RADIL: variants seen among roughly 807,000 people sequenced by gnomAD.
RADIL encodes the protein ras-associating and dilute domain-containing protein.
Under a neutral mutation model 97.6 loss-of-function variants are expected in RADIL, and 99 were observed. The observed-to-expected ratio is 1.01, with a 90% CI of 0.86 to 1.20. The LOEUF (loss-of-function observed/expected upper bound fraction) is 1.20, where lower values mean the gene tolerates loss of function less well. Among genes scored for constraint, RADIL ranks in the 50% most tolerant of loss-of-function variants. The pLI is 0.00. For missense variants in RADIL, 1,765 were observed against 1,498.9 expected (o/e 1.18, Z -2.93); for synonymous variants, 803 against 691.8 (o/e 1.16, Z -2.52).
intron 11 of RADIL, 30 bp from the exon 12 acceptor site, chr7:4,802,025 AGAG>A (rs756314114): frequency 1.2e-5 from 17 of 1,457,244 alleles, no homozygotes; most frequent in Admixed American, 1.1e-4. Context: ...CAGCTCAGGT[AGAG>A]GAGTGGCCAG....
At chr7:4,828,406 C>T (rs535174322) in intron 5 of RADIL, among the ~76,000 whole-genome samples, 2 of 152,302 alleles carry the variant, frequency 1.3e-5, no homozygotes, top group African/African-American at 4.8e-5. Context: ...TGCAGCAAGC[C>T]GAGGTCGCGC....
rs899326009 is a variant in RADIL at position 4,878,267 on chromosome 7, C to G, written c.-64-64G>C. The G allele has an allele frequency of 2.7e-5, 28 of 1,054,050 alleles. No homozygotes were observed. In the East Asian group the frequency reaches 6.9e-4, roughly 26 times the overall value. The allele number at this position is 1,054,050 out of a possible 1,614,324, so 65.3% of individuals were successfully genotyped here. ...TGACCACCAAGAGCAAATGAGGCCA[C>G]AGGCGGTGACTCCTGCCCGTCATCC... On this transcript the variant is annotated intron_variant, in intron 1 of 14. Transcript: ENST00000399583. This position sits in a 1 kb window ranked among gnomAD's most constrained non-coding sequence, Gnocchi z 4.1.
At position 4,813,768 on chromosome 7, in the gene RADIL, C is replaced by T. The variant is rs2115184353; in HGVS notation, c.2139+1510G>A. 6.6e-6 allele frequency among the ~76,000 whole-genome samples: 1 copy of T among 152,348 alleles called. No individual in the cohort carries two copies. The highest frequency in any genetic ancestry group is 6.5e-5 in the Admixed American group (1 of 15,304). On this transcript the variant is annotated intron_variant, in intron 9 of 14. Transcript: ENST00000399583. This position sits in a 1 kb window ranked among gnomAD's most constrained non-coding sequence, Gnocchi z 5.0. ...TCTTTCCGGCTGTGCGGGCTGTCCT[C>T]AGTGGAACTGCAGGCTCAGCTGCTC... is the stretch of plus-strand genomic sequence containing the variant.
chr7:4,861,376 T>C lies in RADIL; in HGVS notation c.535+16229A>G, dbSNP rs775396546. The C allele has an allele frequency of 3.5e-5, 56 of 1,614,080 alleles. 1 individual carries two copies. The Middle Eastern group carries it at 4.9e-4, about 14-fold the overall frequency. On this transcript the variant is annotated intron_variant, in intron 2 of 14. Coordinates refer to ENST00000399583, the MANE Select transcript of RADIL (RefSeq NM_018059.5). ...ATGCCTCCTCGACAGCCCTTAAATC[T>C]TTCACTTCCTCCTGTAGTTTCAGTT...
chr7:4,866,127 T>TGC (rs1784125328), intron 2 of RADIL, among the ~76,000 whole-genome samples: 1 of 152,128 alleles, frequency 6.6e-6, no homozygotes, highest in South Asian at 2.1e-4. Flanking sequence ...TCTGTGTGTG[T>TGC]GCGTGTGCAT....
At chr7:4,807,041 C>T (rs747599769) in intron 9 of RADIL, among the ~76,000 whole-genome samples, 1 of 152,154 alleles carries the variant, frequency 6.6e-6, no homozygotes, top group African/African-American at 2.4e-5. Context: ...CTGCCTGCAC[C>T]TGCCTTCCCC....
At position 4,814,774 on chromosome 7, in the gene RADIL, C is replaced by T. The variant is rs1295623493; in HGVS notation, c.2139+504G>A. 6.6e-6 allele frequency among the ~76,000 whole-genome samples: 1 copy of T among 152,216 alleles called. No individual in the cohort carries two copies. Among genetic ancestry groups the T allele is most frequent in the Non-Finnish European group, 1.5e-5 (1 of 68,050 alleles). On this transcript the variant is annotated intron_variant, in intron 9 of 14. Transcript: ENST00000399583. The surrounding 1 kb of genome is among the most constrained non-coding windows in gnomAD (Gnocchi z 4.5). ...GTCTCCCTGCTCTTCCGGTTGCTGTCAGAATTCAGTTCCTGTGGTTGTAGG... is the reference window on the plus strand; with the variant it reads ...GTCTCCCTGCTCTTCCGGTTGCTGTTAGAATTCAGTTCCTGTGGTTGTAGG...
intron 5 of RADIL, among the ~76,000 whole-genome samples, chr7:4,825,908 A>AAAC (rs760101468): frequency 2.8e-5 from 4 of 144,974 alleles, no homozygotes; most frequent in Non-Finnish European, 4.5e-5. Context: ...AAAAAAAAAA[A>AAAC]GGGAAATGAA....
In RADIL at chr7:4,822,244, T is replaced by A. The variant is rs369410253; in HGVS notation, c.1615+150A>T. 3 of 1,056,886 alleles carry A rather than the reference T, an allele frequency of 2.8e-6. No individual in the cohort carries two copies. Among genetic ancestry groups the A allele is most frequent in the East Asian group, 2.6e-5 (1 of 37,862 alleles). 65.5% of individuals were successfully genotyped at this position (1,056,886 alleles called of 1,614,324 possible). A position where few individuals can be genotyped will look rare whatever the true frequency, so the allele number is the denominator to read the frequency against. Reference sequence around the variant, plus strand: ...GCCTCACAGGCCGTCCCCGAGCAACTGACACATGGCAGCCTAGGGACTGAG... The same window carrying A: ...GCCTCACAGGCCGTCCCCGAGCAACAGACACATGGCAGCCTAGGGACTGAG... On this transcript the variant is annotated intron_variant, in intron 6 of 14. Transcript: ENST00000399583. This position sits in a 1 kb window ranked among gnomAD's most constrained non-coding sequence, Gnocchi z 5.3.
chr7:4,868,776 T>C (rs924906374), intron 2 of RADIL, among the ~76,000 whole-genome samples: 1 of 152,238 alleles, frequency 6.6e-6, no homozygotes, highest in African/African-American at 2.4e-5. Flanking sequence ...TGAATTTTGA[T>C]ATAGTCAAAT....
chr7:4,878,469 G>T lies in RADIL; in HGVS notation c.-64-266C>A, dbSNP rs184734353. Among the ~76,000 whole-genome samples, 1 of 152,330 alleles carries T rather than the reference G, an allele frequency of 6.6e-6. No individual in the cohort carries two copies. Among genetic ancestry groups the T allele is most frequent in the Admixed American group, 6.5e-5 (1 of 15,302 alleles). On this transcript the variant is annotated intron_variant, in intron 1 of 14. Coordinates refer to ENST00000399583, the MANE Select transcript of RADIL (RefSeq NM_018059.5). The surrounding 1 kb of genome is among the most constrained non-coding windows in gnomAD (Gnocchi z 4.1). ...GCTGGAGGATGGCTTGAGCCCAGGA[G>T]TTCAAGATTGCAGTGAGCTATGATA...
chr7:4,822,245 G>A lies in RADIL; in HGVS notation c.1615+149C>T. On this transcript the variant is annotated intron_variant, in intron 6 of 14. Coordinates refer to ENST00000399583, the MANE Select transcript of RADIL (RefSeq NM_018059.5). The surrounding 1 kb of genome is among the most constrained non-coding windows in gnomAD (Gnocchi z 5.3). ...CCTCACAGGCCGTCCCCGAGCAACT[G>A]ACACATGGCAGCCTAGGGACTGAGG... is the stretch of plus-strand genomic sequence containing the variant. The A allele has an allele frequency of 9.4e-7, 1 of 1,062,540 alleles. No homozygotes were observed. The highest frequency in any genetic ancestry group is 1.7e-5 in the South Asian group (1 of 59,308). 65.8% of individuals were successfully genotyped at this position (1,062,540 alleles called of 1,614,324 possible).
chr7:4,860,172 G>C, intron 2 of RADIL: 4 of 1,613,894 alleles, frequency 2.5e-6, no homozygotes, highest in Non-Finnish European at 3.4e-6. Context: ...CTAATCAATG[G>C]GCCTGTCTTC....
chr7:4,861,005 A>G (rs770243343), intron 2 of RADIL: 4 of 1,614,120 alleles, frequency 2.5e-6, no homozygotes, highest in African/African-American at 2.7e-5. Flanking sequence ...TTTCCGTACA[A>G]GAGTTGACGC....
chr7:4,832,236 C>T (rs1478121009), intron 4 of RADIL, 58 bp from the exon 5 acceptor site: 2 of 1,511,012 alleles, frequency 1.3e-6, no homozygotes, highest in African/African-American at 1.7e-5. Flanking sequence ...CACAGGGACG[C>T]GTTCAAATAC....
In RADIL at chr7:4,817,422, G is replaced by T. The variant is rs914959172; in HGVS notation, c.1616-71C>A. 11 of 1,381,786 alleles carry T rather than the reference G, an allele frequency of 8.0e-6. No individual in the cohort carries two copies. The highest frequency in any genetic ancestry group is 4.2e-4 in the Middle Eastern group (2 of 4,736). 85.6% of individuals were successfully genotyped at this position (1,381,786 alleles called of 1,614,324 possible). A position where few individuals can be genotyped will look rare whatever the true frequency, so the allele number is the denominator to read the frequency against. On this transcript the variant is annotated intron_variant, in intron 6 of 14. Transcript: ENST00000399583. This position sits in a 1 kb window ranked among gnomAD's most constrained non-coding sequence, Gnocchi z 8.3. Reference sequence around the variant, plus strand: ...CAGGAACGCAGCAACTCAGCCAGCCGCCAGCTCTTTCCCTGGCGCGGGCAC... The same window carrying T: ...CAGGAACGCAGCAACTCAGCCAGCCTCCAGCTCTTTCCCTGGCGCGGGCAC...
chr7:4,875,818 C>G (rs1370590706), intron 2 of RADIL, among the ~76,000 whole-genome samples: 1 of 152,132 alleles, frequency 6.6e-6, no homozygotes, highest in East Asian at 1.9e-4. Context: ...CCCATCTCTG[C>G]CACCGGATCA....
chr7:4,804,187 G>C, intron 10 of RADIL: 2 of 269,550 alleles, frequency 7.4e-6, no homozygotes, highest in East Asian at 7.9e-5. Context: ...GCCTGTGTGC[G>C]GGCTGCTCTC....
rs1783340519 is a variant in RADIL, at chr7:4,837,797, C to T, written c.536-1192G>A. On this transcript the variant is annotated intron_variant, in intron 2 of 14. Coordinates refer to ENST00000399583, the MANE Select transcript of RADIL (RefSeq NM_018059.5). This position sits in a 1 kb window ranked among gnomAD's most constrained non-coding sequence, Gnocchi z 5.6. ...TCTCTAAATGCATGCTCTGGGAAAG[C>T]CAGCCGGCTGCGATAGATGAAAACC... The T allele has an allele frequency of 9.2e-6, 9 of 979,016 alleles. No individual in the cohort carries two copies. The highest frequency in any genetic ancestry group is 1.1e-5 in the Non-Finnish European group (9 of 824,214). The allele number at this position is 979,016 out of a possible 1,614,324, so 60.6% of individuals were successfully genotyped here.
Sources: gnomAD v4.1 joint callset for allele counts (sites outside exome capture counted in the v4.1 genomes callset) on GRCh38, gnomAD v4.1.1 for gene constraint, Gnocchi (gnomAD v3.1) non-coding constraint, MANE v1.5 for transcripts, NCBI Gene and HGNC (gene_info 2026-07-23, HGNC 2026-07-21) for gene names.